TRDMT1: variants seen among roughly 807,000 people sequenced by gnomAD.
TRDMT1 encodes the protein tRNA (cytosine(38)-C(5))-methyltransferase.
A neutral mutation model predicts 51.2 loss-of-function variants in TRDMT1; 49 were observed. That is an observed-to-expected ratio of 0.96 (90% confidence interval 0.76 to 1.21). The LOEUF is 1.21. Among genes scored for constraint, TRDMT1 ranks in the 50% most tolerant of loss-of-function variants. The pLI, the probability that TRDMT1 is intolerant of heterozygous loss-of-function variation, is 0.00. For missense variants in TRDMT1, 534 were observed against 462.3 expected (o/e 1.16, Z -1.42); for synonymous variants, 187 against 164.6 (o/e 1.14, Z -1.04).
In TRDMT1 at chr10:17,147,159, CCATTT is replaced by C. The variant is rs1413207132; in HGVS notation, c.*1876_*1880del. ...TTCATAGTTACAGTAAAACTCTAAACCATTTTATTTAGAATATTTCAGCAGTGAAC... is the reference window on the plus strand; with the variant it reads ...TTCATAGTTACAGTAAAACTCTAAACTATTTAGAATATTTCAGCAGTGAAC... On this transcript the variant is annotated 3_prime_UTR_variant, in exon 11 of 11. Coordinates refer to ENST00000377799, the MANE Select transcript of TRDMT1 (RefSeq NM_004412.7). 2.0e-6 allele frequency: 2 copies of C among 985,474 alleles called. No individual in the cohort carries two copies. Among genetic ancestry groups the C allele is most frequent in the African/African-American group, 3.5e-5 (2 of 57,210 alleles). 61.0% of individuals were successfully genotyped at this position (985,474 alleles called of 1,614,324 possible). A position where few individuals can be genotyped will look rare whatever the true frequency, so the allele number is the denominator to read the frequency against.
chr10:17,145,830 G>A lies in TRDMT1; in HGVS notation c.*3210C>T. ...AGAATGCATCCTTTAGTAGGTGCTT[G>A]ATATTAGATGAAATGTGGTTGCTTC... On this transcript the variant is annotated 3_prime_UTR_variant, in exon 11 of 11. Coordinates refer to ENST00000377799, the MANE Select transcript of TRDMT1 (RefSeq NM_004412.7). 1 of 985,460 alleles carries A rather than the reference G, an allele frequency of 1.0e-6. No homozygotes were observed. The highest frequency in any genetic ancestry group is 1.7e-5 in the African/African-American group (1 of 57,380). The allele number at this position is 985,460 out of a possible 1,614,324, so 61.0% of individuals were successfully genotyped here. A position where few individuals can be genotyped will look rare whatever the true frequency, so the allele number is the denominator to read the frequency against.
chr10:17,153,781 A>C (rs1839112751), intron 9 of TRDMT1, 145 bp from the exon 10 acceptor site: 1 of 695,820 alleles, frequency 1.4e-6, no homozygotes. Flanking sequence ...GGCTCTGTGC[A>C]ATAGACTACA....
rs145326409 is a variant in TRDMT1, at chr10:17,168,177, C to T, written c.251+664G>A. On this transcript the variant is annotated intron_variant, in intron 3 of 10. Transcript: ENST00000377799. ...AATTAGCTGGGCATGGAAGTACATACCTTTAGTCCCAGCTACTCAGGAGGC... is the reference window on the plus strand; with the variant it reads ...AATTAGCTGGGCATGGAAGTACATATCTTTAGTCCCAGCTACTCAGGAGGC... Among the ~76,000 whole-genome samples the T allele has an allele frequency of 4.0e-3, 616 of 152,116 alleles. 2 individuals carry two copies. The highest frequency in any genetic ancestry group is 0.01 in the Middle Eastern group (3 of 294).
chr10:17,166,782 G>A (rs1008891925), intron 3 of TRDMT1, among the ~76,000 whole-genome samples: 5 of 152,314 alleles, frequency 3.3e-5, no homozygotes, highest in East Asian at 1.9e-4. Context: ...AGGGGGAGGT[G>A]GGAGTAGGAA....
In TRDMT1 at chr10:17,139,495, A is replaced by G. The variant is rs1243329178; in HGVS notation, c.*9545T>C. Among the ~76,000 whole-genome samples the G allele has an allele frequency of 6.6e-6, 1 of 152,178 alleles. No homozygotes were observed. The highest frequency in any genetic ancestry group is 1.9e-4 in the East Asian group (1 of 5,202). On this transcript the variant is annotated 3_prime_UTR_variant, in exon 11 of 11. Coordinates refer to ENST00000377799, the MANE Select transcript of TRDMT1 (RefSeq NM_004412.7). ...TGTCACCACCGATGGGGGGAAGAAA[A>G]AAACAGTTTGGTTCTCTTCTGGGAA...
Position 17,159,040 on chromosome 10 carries a change from C to A in TRDMT1, c.543+106G>T, listed in dbSNP as rs569173995. 1.0e-4 allele frequency: 71 copies of A among 709,768 alleles called. 1 individual carries two copies. In the South Asian group the frequency reaches 2.2e-3, roughly 22 times the overall value. The allele number at this position is 709,768 out of a possible 1,614,324, so 44.0% of individuals were successfully genotyped here. Reference sequence around the variant, plus strand: ...GGTCTATACTTTAGATTCTATAGTACACAGAGACAGCTACACAAAGTAGTT... The same window carrying A: ...GGTCTATACTTTAGATTCTATAGTAAACAGAGACAGCTACACAAAGTAGTT... On this transcript the variant is annotated intron_variant, in intron 7 of 10. Transcript: ENST00000377799.
At chr10:17,198,044 A>AG (rs1328696686) in intron 1 of TRDMT1, among the ~76,000 whole-genome samples, 4 of 152,010 alleles carry the variant, frequency 2.6e-5, no homozygotes, top group African/African-American at 9.7e-5. Flanking sequence ...CAAAAAAAAA[A>AG]AGAAAGAAAA....
intron 2 of TRDMT1, among the ~76,000 whole-genome samples, chr10:17,169,932 A>G (rs1841742841): frequency 6.6e-6 from 1 of 152,220 alleles, no homozygotes; most frequent in Non-Finnish European, 1.5e-5. Flanking sequence ...TGAAAATCCT[A>G]CACTGAGCAG....
At position 17,144,263 on chromosome 10, in the gene TRDMT1, T is replaced by C. The variant is rs1837920088; in HGVS notation, c.*4777A>G. ...CAAACATGTTCTCTATGTACACTCT[T>C]ATAATTTCAATCTGTCCTGATAAAA... On this transcript the variant is annotated 3_prime_UTR_variant, in exon 11 of 11. Coordinates refer to ENST00000377799, the MANE Select transcript of TRDMT1 (RefSeq NM_004412.7). 9.1e-6 allele frequency: 9 copies of C among 985,550 alleles called. No homozygotes were observed. The South Asian group carries it at 3.8e-4, about 41-fold the overall frequency. 61.1% of individuals were successfully genotyped at this position (985,550 alleles called of 1,614,324 possible).
rs1182044002 is a variant in TRDMT1 at position 17,141,791 on chromosome 10, T to C, written c.*7249A>G. 2.0e-5 allele frequency among the ~76,000 whole-genome samples: 3 copies of C among 152,222 alleles called. No homozygotes were observed. The highest frequency in any genetic ancestry group is 6.5e-5 in the Admixed American group (1 of 15,278). On this transcript the variant is annotated 3_prime_UTR_variant, in exon 11 of 11. Transcript: ENST00000377799. ...AGGTGAATGAACACCAAACAGGATA[T>C]TACATTCACTTTGAAATATCTGCCA... is the stretch of plus-strand genomic sequence containing the variant.
At chr10:17,174,858 T>C (rs1842445233) in intron 1 of TRDMT1, among the ~76,000 whole-genome samples, 198 bp from the exon 2 acceptor site, 1 of 152,236 alleles carries the variant, frequency 6.6e-6, no homozygotes, top group African/African-American at 2.4e-5. Context: ...GGTTCATCTC[T>C]CTAAACAGCA....
chr10:17,156,098 G>A (rs939402153), intron 8 of TRDMT1, among the ~76,000 whole-genome samples: 3 of 152,076 alleles, frequency 2.0e-5, no homozygotes, highest in African/African-American at 7.2e-5. Flanking sequence ...TTCTACTGGG[G>A]TACAGTGTAT....
Position 17,143,843 on chromosome 10 carries a change from T to C in TRDMT1, c.*5197A>G, listed in dbSNP as rs997115290. The C allele has an allele frequency of 2.0e-6, 2 of 985,346 alleles. No homozygotes were observed. The highest frequency in any genetic ancestry group is 1.1e-4 in the East Asian group (1 of 8,832). 61.0% of individuals were successfully genotyped at this position (985,346 alleles called of 1,614,324 possible). Reference sequence around the variant, plus strand: ...ACTTGGAAGATGTGGAGACTAACCGTACCATAAATATTAAAGTCAAGAGTG... The same window carrying C: ...ACTTGGAAGATGTGGAGACTAACCGCACCATAAATATTAAAGTCAAGAGTG... On this transcript the variant is annotated 3_prime_UTR_variant, in exon 11 of 11. Coordinates refer to ENST00000377799, the MANE Select transcript of TRDMT1 (RefSeq NM_004412.7).
At chr10:17,162,801 C>T (rs1840593545) in intron 3 of TRDMT1, among the ~76,000 whole-genome samples, 1 of 152,154 alleles carries the variant, frequency 6.6e-6, no homozygotes, top group Non-Finnish European at 1.5e-5. Context: ...AAAATCCTTA[C>T]ATATCTAATA....
Position 17,146,624 on chromosome 10 carries a change from GGA to G in TRDMT1, c.*2414_*2415del. ...TAAAAGAGCAGGGATGATGGGAAAA[GGA>G]GAACGAAAAATCGGTTTACTGTAAG... On this transcript the variant is annotated 3_prime_UTR_variant, in exon 11 of 11. Transcript: ENST00000377799. 4 of 985,308 alleles carry G rather than the reference GGA, an allele frequency of 4.1e-6. No individual in the cohort carries two copies. Among genetic ancestry groups the G allele is most frequent in the Non-Finnish European group, 4.8e-6 (4 of 829,882 alleles). 61.0% of individuals were successfully genotyped at this position (985,308 alleles called of 1,614,324 possible).
rs1838087318 is a variant in TRDMT1, at chr10:17,146,161, C to A, written c.*2879G>T. 1.0e-6 allele frequency: 1 copy of A among 985,342 alleles called. No homozygotes were observed. Among genetic ancestry groups the A allele is most frequent in the African/African-American group, 1.7e-5 (1 of 57,244 alleles). The allele number at this position is 985,342 out of a possible 1,614,324, so 61.0% of individuals were successfully genotyped here. A position where few individuals can be genotyped will look rare whatever the true frequency, so the allele number is the denominator to read the frequency against. On this transcript the variant is annotated 3_prime_UTR_variant, in exon 11 of 11. Coordinates refer to ENST00000377799, the MANE Select transcript of TRDMT1 (RefSeq NM_004412.7). ...TGAAAAGTTGGATAATTTCAAGCAA[C>A]AGTTTACCCTCAAATTTCTAAAAAA...
chr10:17,149,210 C>A, intron 10 of TRDMT1, 70 bp from the exon 11 acceptor site: 4 of 1,229,280 alleles, frequency 3.3e-6, no homozygotes, highest in Non-Finnish European at 4.7e-6. Flanking sequence ...AGGATGTATC[C>A]TTTAGTAAGG....
chr10:17,150,647 T>A (rs1386325418), intron 10 of TRDMT1: 2 of 984,928 alleles, frequency 2.0e-6, no homozygotes, highest in Non-Finnish European at 2.4e-6. Flanking sequence ...GAAAAACAAT[T>A]AGGAGCATTA....
At chr10:17,179,892 ATTTT>A (rs949713087) in intron 1 of TRDMT1, among the ~76,000 whole-genome samples, 4 of 152,136 alleles carry the variant, frequency 2.6e-5, no homozygotes, top group African/African-American at 9.7e-5. Flanking sequence ...TGGGGAAAGG[ATTTT>A]TTTAACACAG....
Sources: allele counts gnomAD v4.1 joint callset (sites outside exome capture counted in the v4.1 genomes callset), GRCh38; gene constraint gnomAD v4.1.1; transcripts MANE v1.5; gene names NCBI Gene and HGNC (gene_info 2026-07-23, HGNC 2026-07-21).